The following RBFOX1 variants were observed in gnomAD, a reference collection of about 807,000 sequenced individuals.
The protein encoded by RBFOX1 is RNA binding fox-1 homolog 1.
In RBFOX1, 8 loss-of-function variants were observed where a neutral mutation model predicts 57.7. The ratio of observed to expected loss-of-function variants is 0.14; its 90% confidence interval spans 0.08 to 0.25. The LOEUF is 0.25. Among genes scored for constraint, RBFOX1 ranks in the 10% least tolerant of loss-of-function variants. The pLI is 1.00. For missense variants in RBFOX1, 611 were observed against 548.5 expected (o/e 1.11, Z -1.14); for synonymous variants, 326 against 222.4 (o/e 1.47, Z -4.15).
At chr16:5,451,625 T>C (rs1163846221) in intron 1 of RBFOX1, among the ~76,000 whole-genome samples, 1 of 152,152 alleles carries the variant, frequency 6.6e-6, no homozygotes, top group Non-Finnish European at 1.5e-5. Context: ...AAGAAAGAAA[T>C]AGATTCTTCA....
At chr16:5,644,410 G>T (rs771958770) in intron 3 of RBFOX1, among the ~76,000 whole-genome samples, 21 of 152,184 alleles carry the variant, frequency 1.4e-4, no homozygotes, top group Non-Finnish European at 2.1e-4. Flanking sequence ...GTAGAGGGAA[G>T]GAGAATTCTC....
At chr16:7,184,284 C>A (rs1020273654) in intron 4 of RBFOX1, among the ~76,000 whole-genome samples, 10 of 152,094 alleles carry the variant, frequency 6.6e-5, no homozygotes, top group African/African-American at 2.4e-4. Context: ...CAATAGGAAG[C>A]TGTGGAATGA....
chr16:7,194,123 C>T (rs2086104290), intron 4 of RBFOX1, among the ~76,000 whole-genome samples: 1 of 152,108 alleles, frequency 6.6e-6, no homozygotes, highest in Non-Finnish European at 1.5e-5. Context: ...CTATTCGTGT[C>T]AATGAGAAAG....
chr16:6,260,101 A>G (rs939956040), intron 1 of RBFOX1, among the ~76,000 whole-genome samples: 3 of 152,100 alleles, frequency 2.0e-5, no homozygotes, highest in Non-Finnish European at 4.4e-5. Context: ...ACCACTGTAA[A>G]TCTGCAGGCT....
chr16:5,344,731 G>T (rs544605108), intron 1 of RBFOX1, among the ~76,000 whole-genome samples: 1 of 151,760 alleles, frequency 6.6e-6, no homozygotes, highest in Non-Finnish European at 1.5e-5. Flanking sequence ...ATACATTTTT[G>T]GTTGAAAAAA....
chr16:5,733,592 G>A (rs2052461106), intron 3 of RBFOX1, among the ~76,000 whole-genome samples: 1 of 152,166 alleles, frequency 6.6e-6, no homozygotes, highest in Admixed American at 6.5e-5. Flanking sequence ...CATGAAGTCA[G>A]CATGGTCACC....
intron 1 of RBFOX1, among the ~76,000 whole-genome samples, chr16:6,224,177 T>C (rs986123866): frequency 2.6e-5 from 4 of 151,806 alleles, no homozygotes; most frequent in Non-Finnish European, 4.4e-5. Flanking sequence ...ATTGACTTGG[T>C]GATGAGGGCT....
At chr16:6,763,056 G>T (rs762849632) in intron 3 of RBFOX1, among the ~76,000 whole-genome samples, 1 of 152,140 alleles carries the variant, frequency 6.6e-6, no homozygotes, top group South Asian at 2.1e-4. Context: ...TATTATTAAG[G>T]TCCTACAATA....
intron 1 of RBFOX1, among the ~76,000 whole-genome samples, chr16:5,322,675 G>T (rs904167090): frequency 6.6e-6 from 1 of 152,118 alleles, no homozygotes; most frequent in Admixed American, 6.5e-5. Context: ...AAATCCCGTG[G>T]TTCCTATGAC....
At chr16:7,013,393 C>G (rs553975860) in intron 3 of RBFOX1, among the ~76,000 whole-genome samples, 1 of 152,268 alleles carries the variant, frequency 6.6e-6, no homozygotes, top group African/African-American at 2.4e-5. Context: ...CTTTCTGACC[C>G]AGAGAACATG....
chr16:6,880,773 TTA>T (rs954191616), intron 3 of RBFOX1, among the ~76,000 whole-genome samples: 2 of 151,556 alleles, frequency 1.3e-5, no homozygotes, highest in Non-Finnish European at 2.9e-5. Context: ...AAAATTATTG[TTA>T]TATTTTTATT....
At chr16:6,411,427 A>G (rs2093455606) in intron 2 of RBFOX1, among the ~76,000 whole-genome samples, 1 of 152,192 alleles carries the variant, frequency 6.6e-6, no homozygotes, top group African/African-American at 2.4e-5. Flanking sequence ...TTTGTTGTTG[A>G]TTCTTCATCT....
chr16:5,495,937 C>T (rs2042987537), intron 2 of RBFOX1, among the ~76,000 whole-genome samples: 1 of 152,170 alleles, frequency 6.6e-6, no homozygotes, highest in Non-Finnish European at 1.5e-5. Context: ...GCCATCCTGG[C>T]CAACATGGTG....
chr16:7,116,254 A>C lies in RBFOX1; in HGVS notation c.27+64156A>C, dbSNP rs78085526. On this transcript the variant is annotated intron_variant, in intron 4 of 15. Transcript: ENST00000550418. The stretch of plus-strand genomic sequence containing the variant: ...TATAGAGAGAAAGCCCATGCAGTAA[A>C]CCAATCAAATCCTGGCTATCCGAGC... Among the ~76,000 whole-genome samples the C allele has an allele frequency of 6.1e-3, 932 of 152,252 alleles. 32 individuals carry two copies. The highest frequency in any genetic ancestry group is 0.046 in the Admixed American group (697 of 15,274).
At chr16:6,785,601 T>A (rs2081820746) in intron 3 of RBFOX1, among the ~76,000 whole-genome samples, 1 of 152,160 alleles carries the variant, frequency 6.6e-6, no homozygotes, top group South Asian at 2.1e-4. Flanking sequence ...AATAAGCTAT[T>A]TTTCCTTTGT....
chr16:5,932,060 T>G (rs531726557), intron 4 of RBFOX1, among the ~76,000 whole-genome samples: 11 of 152,308 alleles, frequency 7.2e-5, no homozygotes, highest in South Asian at 2.1e-4. Context: ...CGCCTTGGCT[T>G]CCCAAAGTGT....
intron 10 of RBFOX1, among the ~76,000 whole-genome samples, chr16:7,618,456 G>T (rs984623640): frequency 1.3e-5 from 2 of 152,030 alleles, no homozygotes; most frequent in Non-Finnish European, 2.9e-5. Context: ...AAAGGCTATT[G>T]TGAAACTTAT....
chr16:7,136,076 A>G (rs2071862302), intron 4 of RBFOX1, among the ~76,000 whole-genome samples: 1 of 152,234 alleles, frequency 6.6e-6, no homozygotes, highest in African/African-American at 2.4e-5. Flanking sequence ...GAGCAGAGTG[A>G]AAGACTAAAC....
chr16:7,355,233 A>T (rs1448504671), intron 4 of RBFOX1, among the ~76,000 whole-genome samples: 1 of 152,098 alleles, frequency 6.6e-6, no homozygotes, highest in African/African-American at 2.4e-5. Flanking sequence ...TCTAACCTCT[A>T]CTTTTTCCAC....
Sources: allele counts gnomAD v4.1 joint callset (sites outside exome capture counted in the v4.1 genomes callset), GRCh38; gene constraint gnomAD v4.1.1; transcripts MANE v1.5; gene names NCBI Gene and HGNC (gene_info 2026-07-23, HGNC 2026-07-21).